The following MYT1L variants were observed in gnomAD, a reference collection of about 807,000 sequenced individuals.
The protein encoded by MYT1L is myelin transcription factor 1 like.
MYT1L carries 12 observed loss-of-function variants against 126.7 expected under a neutral mutation model. That is an observed-to-expected ratio of 0.09 (90% CI 0.06 to 0.15). MYT1L has a LOEUF of 0.15. Ranked by LOEUF, MYT1L falls within the 10% of genes least tolerant of loss-of-function variation. MYT1L has a pLI of 1.00. For missense variants in MYT1L, 979 were observed against 1,585.2 expected, an observed-to-expected ratio of 0.62 and a Z score of 6.49; for synonymous variants, 541 against 604.2, an observed-to-expected ratio of 0.90 and a Z score of 1.53.
chr2:2,052,621 C>T (rs1394549618), intron 4 of MYT1L, among the ~76,000 whole-genome samples: 1 of 152,126 alleles, frequency 6.6e-6, no homozygotes, highest in Non-Finnish European at 1.5e-5. Context: ...AGGACTTAGA[C>T]ATTTCTCCAA....
intron 1 of MYT1L, among the ~76,000 whole-genome samples, chr2:2,328,621 C>T (rs992429925): frequency 6.6e-6 from 1 of 152,208 alleles, no homozygotes; most frequent in African/African-American, 2.4e-5. Flanking sequence ...ATTTGTGTGT[C>T]ATGCATACTT....
intron 3 of MYT1L, among the ~76,000 whole-genome samples, chr2:2,149,717 A>C (rs10427173): frequency 0.098 from 14,978 of 152,262 alleles, 958 homozygotes; most frequent in African/African-American, 0.18. Flanking sequence ...TTGCAGAAGA[A>C]GGAACAGAAG....
chr2:2,143,380 G>C (rs2084339834), intron 3 of MYT1L, among the ~76,000 whole-genome samples: 1 of 151,854 alleles, frequency 6.6e-6, no homozygotes, highest in Non-Finnish European at 1.5e-5. Context: ...GGAGGAGGCT[G>C]TGCCTGGGGC....
chr2:2,245,717 C>G (rs781319749), intron 2 of MYT1L, among the ~76,000 whole-genome samples: 8 of 152,096 alleles, frequency 5.3e-5, no homozygotes, highest in Non-Finnish European at 1.0e-4. Context: ...ACCATCCACT[C>G]TCAGTCAGCC....
At chr2:2,038,697 T>C (rs1003925821) in intron 4 of MYT1L, among the ~76,000 whole-genome samples, 1 of 152,052 alleles carries the variant, frequency 6.6e-6, no homozygotes, top group Admixed American at 6.6e-5. Flanking sequence ...TCCAGTACAC[T>C]CTGGAACCCA....
chr2:2,125,878 C>A (rs17039343), intron 3 of MYT1L, among the ~76,000 whole-genome samples: 2 of 152,118 alleles, frequency 1.3e-5, no homozygotes, highest in Non-Finnish European at 2.9e-5. Flanking sequence ...TTCAAACACA[C>A]CAAGAGATGT....
chr2:2,005,751 C>A (rs1228610268), intron 4 of MYT1L, among the ~76,000 whole-genome samples: 4 of 147,782 alleles, frequency 2.7e-5, no homozygotes, highest in Admixed American at 2.7e-4. Context: ...TTCTTTCCTG[C>A]AGGCGTTCTT....
chr2:2,297,690 A>G (rs894596827), intron 1 of MYT1L, among the ~76,000 whole-genome samples: 1 of 152,200 alleles, frequency 6.6e-6, no homozygotes, highest in Admixed American at 6.5e-5. Flanking sequence ...GGACTGCTCA[A>G]GGAAGAACAA....
intron 4 of MYT1L, among the ~76,000 whole-genome samples, chr2:2,027,187 G>A (rs1425219636): frequency 2.0e-5 from 3 of 152,230 alleles, no homozygotes; most frequent in East Asian, 3.9e-4. Context: ...TGGGAGATCC[G>A]AATCCGGATC....
chr2:1,853,376 T>TTTTTGTTCAAGTAACAGCTGTTCAC (rs2043518975), intron 18 of MYT1L, among the ~76,000 whole-genome samples: 1 of 152,232 alleles, frequency 6.6e-6, no homozygotes, highest in Non-Finnish European at 1.5e-5. Context: ...TTAGACCTGA[T>TTTTTGTTCAAGTAACAGCTGTTCAC]TTTTGTTCAA....
chr2:2,166,917 G>A (rs186495868), intron 3 of MYT1L, among the ~76,000 whole-genome samples: 10 of 152,242 alleles, frequency 6.6e-5, no homozygotes, highest in African/African-American at 2.4e-4. Context: ...TTAACAAAAT[G>A]TTCTTAAAAT....
At chr2:1,853,419 T>A (rs1442095199) in intron 18 of MYT1L, among the ~76,000 whole-genome samples, 5 of 152,178 alleles carry the variant, frequency 3.3e-5, no homozygotes, top group Non-Finnish European at 7.3e-5. Flanking sequence ...TAAAGTTTGA[T>A]CGTAAGACTA....
At chr2:1,927,186 G>GA (rs2054347187) in intron 9 of MYT1L, among the ~76,000 whole-genome samples, 1 of 152,198 alleles carries the variant, frequency 6.6e-6, no homozygotes, top group African/African-American at 2.4e-5. Context: ...CTCCAGGTGA[G>GA]AAAATTGAGC....
rs183625794 is a variant in MYT1L at position 2,176,961 on chromosome 2, T to C, written c.-420-3973A>G. The stretch of plus-strand genomic sequence containing the variant: ...TATCCTCTAGTTTACTAGCTATTCT[T>C]AGACATGTACCTAAAGCCACAATTG... On this transcript the variant is annotated intron_variant, in intron 2 of 24. Transcript: ENST00000647738. Among the ~76,000 whole-genome samples, 10 of 152,328 alleles carry C rather than the reference T, an allele frequency of 6.6e-5. No homozygotes were observed. In the East Asian group the frequency reaches 1.7e-3, roughly 26 times the overall value.
intron 2 of MYT1L, among the ~76,000 whole-genome samples, chr2:2,272,444 C>T (rs2095282286): frequency 6.6e-6 from 1 of 152,176 alleles, no homozygotes; most frequent in Non-Finnish European, 1.5e-5. Context: ...GCTACTTCTC[C>T]ATCTCATTTC....
chr2:2,191,976 G>T (rs2092611622), intron 2 of MYT1L, among the ~76,000 whole-genome samples: 1 of 152,242 alleles, frequency 6.6e-6, no homozygotes, highest in African/African-American at 2.4e-5. Flanking sequence ...ATGACAGACT[G>T]CAGACGGCAT....
chr2:2,020,722 A>T (rs1049934530), intron 4 of MYT1L, among the ~76,000 whole-genome samples: 1 of 152,206 alleles, frequency 6.6e-6, no homozygotes, highest in African/African-American at 2.4e-5. Context: ...TACATTCATC[A>T]GTCTTTTGTA....
At chr2:1,804,114 T>G (rs1395569318) in intron 22 of MYT1L, among the ~76,000 whole-genome samples, 4 of 152,082 alleles carry the variant, frequency 2.6e-5, no homozygotes, top group Non-Finnish European at 1.5e-5. Flanking sequence ...CTAGGGTTTT[T>G]TTGTTGTTGT....
At chr2:2,054,589 T>C (rs6733153) in intron 3 of MYT1L, among the ~76,000 whole-genome samples, 1,965 of 150,890 alleles carry the variant, frequency 0.013, 37 homozygotes, top group African/African-American at 0.046. Flanking sequence ...ATGAGACACA[T>C]GGAGATGAGA....
Sources: allele counts gnomAD v4.1 joint callset (sites outside exome capture counted in the v4.1 genomes callset), GRCh38; gene constraint gnomAD v4.1.1; transcripts MANE v1.5; gene names NCBI Gene and HGNC (gene_info 2026-07-23, HGNC 2026-07-21).